The following SLC10A6 variants were observed in gnomAD, a reference collection of about 807,000 sequenced individuals.
The protein encoded by SLC10A6 is sodium-dependent organic anion transporter.
SLC10A6 carries 27 observed loss-of-function variants against 30.0 expected under a neutral mutation model. The observed-to-expected ratio is 0.90, with a 90% CI of 0.66 to 1.24. The LOEUF is 1.24. Ranked by LOEUF, SLC10A6 falls within the 50% of genes most tolerant of loss-of-function variation. The pLI is 0.00. For synonymous variants in SLC10A6, 166 were observed against 173.8 expected (o/e 0.95, Z 0.36); for missense variants, 439 against 457.0 (o/e 0.96, Z 0.36).
Position 86,825,591 on chromosome 4 carries a change from A to C in SLC10A6, c.762-14T>G. 2 of 1,574,428 alleles carry C rather than the reference A, an allele frequency of 1.3e-6. No individual in the cohort carries two copies. The highest frequency in any genetic ancestry group is 1.7e-6 in the Non-Finnish European group (2 of 1,149,118). ...ATTGTCCTGCACCTACCAAAAAGAAAATGTTTCAAGAGTAACGCACTAGCA... is the reference window on the plus strand; with the variant it reads ...ATTGTCCTGCACCTACCAAAAAGAACATGTTTCAAGAGTAACGCACTAGCA... On this transcript the variant is annotated splice_polypyrimidine_tract_variant and intron_variant, in intron 4 of 5. Transcript: ENST00000273905.
rs578215770 is a variant in SLC10A6, at chr4:86,827,658, C to A, written c.761+335G>T. Among the ~76,000 whole-genome samples, 154 of 152,266 alleles carry A rather than the reference C, an allele frequency of 1.0e-3. 1 individual carries two copies. The highest frequency in any genetic ancestry group is 3.5e-3 in the African/African-American group (145 of 41,556). ...CGCTACTCAAAATTAAACATTGTTACCATATGGTGTATTTCTTCCAGTATA... is the reference window on the plus strand; with the variant it reads ...CGCTACTCAAAATTAAACATTGTTAACATATGGTGTATTTCTTCCAGTATA... On this transcript the variant is annotated intron_variant, in intron 4 of 5. Coordinates refer to ENST00000273905, the MANE Select transcript of SLC10A6 (RefSeq NM_197965.3).
Position 86,849,279 on chromosome 4 carries a change from C to T in SLC10A6, c.-164G>A. 1 of 752,658 alleles carries T rather than the reference C, an allele frequency of 1.3e-6. No homozygotes were observed. The allele number at this position is 752,658 out of a possible 1,614,324, so 46.6% of individuals were successfully genotyped here. A position where few individuals can be genotyped will look rare whatever the true frequency, so the allele number is the denominator to read the frequency against. Reference sequence around the variant, plus strand: ...TTCATCCTAATCTGATCAATTTTTTCACAAGTGGCATTATAAAAGTAATTA... The same window carrying T: ...TTCATCCTAATCTGATCAATTTTTTTACAAGTGGCATTATAAAAGTAATTA... On this transcript the variant is annotated 5_prime_UTR_variant, in exon 1 of 6. Coordinates refer to ENST00000273905, the MANE Select transcript of SLC10A6 (RefSeq NM_197965.3).
chr4:86,823,770 C>T lies in SLC10A6; in HGVS notation c.1052G>A (p.Gly351Asp). The T allele has an allele frequency of 1.2e-6, 2 of 1,614,214 alleles. No homozygotes were observed. Among genetic ancestry groups the T allele is most frequent in the East Asian group, 4.5e-5 (2 of 44,888 alleles). The change falls in exon 6 of 6, where the codon GGT becomes GAT. Residue 351 changes from glycine (G) to aspartate (D), a missense_variant. By Grantham distance (94) the Gly-to-Asp change is moderately conservative (BLOSUM62 -1). Coordinates refer to ENST00000273905, the MANE Select transcript of SLC10A6 (RefSeq NM_197965.3). Reference sequence around the variant, plus strand: ...CCCTGGTGGCCCAGGAGTGATGGCACCTTCTTCATTCACCTCCAAGAAGGC... The same window carrying T: ...CCCTGGTGGCCCAGGAGTGATGGCATCTTCTTCATTCACCTCCAAGAAGGC... ...TNAFLEVNEE[G>D]AITPGPPGPM...
chr4:86,827,853 C>T, intron 4 of SLC10A6, 140 bp downstream of exon 4: 1 of 679,626 alleles, frequency 1.5e-6, no homozygotes, highest in Non-Finnish European at 2.2e-6. Flanking sequence ...GAATGACCCT[C>T]TTTTATGCTT....
chr4:86,848,279 C>A (rs1746426079), intron 1 of SLC10A6, among the ~76,000 whole-genome samples: 1 of 152,222 alleles, frequency 6.6e-6, no homozygotes, highest in South Asian at 2.1e-4. Context: ...TAAAGTGCTT[C>A]TTTCCTAAAG....
chr4:86,841,197 A>G (rs1560461426), intron 1 of SLC10A6, among the ~76,000 whole-genome samples: 1 of 152,222 alleles, frequency 6.6e-6, no homozygotes, highest in Non-Finnish European at 1.5e-5. Flanking sequence ...AAGACTCATG[A>G]TTATGGGAAG....
Position 86,829,272 on chromosome 4 carries a change from G to A in SLC10A6, c.586-1104C>T, listed in dbSNP as rs568836074. Among the ~76,000 whole-genome samples, 92 of 152,160 alleles carry A rather than the reference G, an allele frequency of 6.0e-4. 1 individual carries two copies. Among genetic ancestry groups the A allele is most frequent in the African/African-American group, 1.9e-3 (80 of 41,538 alleles). On this transcript the variant is annotated intron_variant, in intron 3 of 5. Coordinates refer to ENST00000273905, the MANE Select transcript of SLC10A6 (RefSeq NM_197965.3). ...TAAAAAATACAAAAATTAGCCAGGC[G>A]TGGTGACACATGCCTGTAATCCCAG...
At chr4:86,838,849 G>T (rs1276557218) in intron 1 of SLC10A6, among the ~76,000 whole-genome samples, 1 of 150,478 alleles carries the variant, frequency 6.6e-6, no homozygotes, top group Non-Finnish European at 1.5e-5. Context: ...CTTGAGCCTG[G>T]GAGATGGAGG....
rs1206455470 is a variant in SLC10A6, at chr4:86,849,056, C to A, written c.60G>T (p.Leu20=). The change falls in exon 1 of 6, where the codon CTG becomes CTT. Residue 20 remains leucine, a synonymous_variant. Coordinates refer to ENST00000273905, the MANE Select transcript of SLC10A6 (RefSeq NM_197965.3). ...TTCCATGCACCTCCAGTCCCACTGGCAGCTCCTCCTCTGAACTGTTGGCAG... is the reference window on the plus strand; with the variant it reads ...TTCCATGCACCTCCAGTCCCACTGGAAGCTCCTCCTCTGAACTGTTGGCAG... ...ACPANSSEEE[L]PVGLEVHGNL... 1.2e-6 allele frequency: 2 copies of A among 1,614,196 alleles called. No homozygotes were observed. The highest frequency in any genetic ancestry group is 4.5e-5 in the East Asian group (2 of 44,878).
chr4:86,831,177 G>C (rs1261157769), intron 3 of SLC10A6, among the ~76,000 whole-genome samples: 2 of 152,170 alleles, frequency 1.3e-5, no homozygotes, highest in African/African-American at 4.8e-5. Context: ...AAAGACATTT[G>C]CTTGTTTCTC....
chr4:86,849,204 C>T lies in SLC10A6; in HGVS notation c.-89G>A, dbSNP rs376246941. The stretch of plus-strand genomic sequence containing the variant: ...CCTGCCACATTTTGTAATAGTGCAA[C>T]GAAGTCACACATGGAGAATCATTCC... On this transcript the variant is annotated 5_prime_UTR_variant, in exon 1 of 6. Transcript: ENST00000273905. 6.3e-6 allele frequency: 9 copies of T among 1,429,772 alleles called. No homozygotes were observed. Among genetic ancestry groups the T allele is most frequent in the South Asian group, 5.4e-5 (4 of 73,674 alleles). 88.6% of individuals were successfully genotyped at this position (1,429,772 alleles called of 1,614,324 possible). A position where few individuals can be genotyped will look rare whatever the true frequency, so the allele number is the denominator to read the frequency against.
intron 1 of SLC10A6, among the ~76,000 whole-genome samples, chr4:86,840,854 A>G (rs1454342440): frequency 6.6e-6 from 1 of 152,180 alleles, no homozygotes; most frequent in Non-Finnish European, 1.5e-5. Context: ...AACTTGTCTT[A>G]GCAGTTCTTG....
At chr4:86,834,548 T>C (rs1426073540) in intron 1 of SLC10A6, among the ~76,000 whole-genome samples, 1 of 152,236 alleles carries the variant, frequency 6.6e-6, no homozygotes. Context: ...ATAAATCATA[T>C]TTGGTCATGG....
chr4:86,845,499 T>C (rs1199048748), intron 1 of SLC10A6, among the ~76,000 whole-genome samples: 1 of 152,128 alleles, frequency 6.6e-6, no homozygotes, highest in Non-Finnish European at 1.5e-5. Flanking sequence ...ACCATGCGGG[T>C]AATGTTATGA....
At chr4:86,846,534 A>C (rs1379676057) in intron 1 of SLC10A6, among the ~76,000 whole-genome samples, 1 of 152,180 alleles carries the variant, frequency 6.6e-6, no homozygotes, top group African/African-American at 2.4e-5. Context: ...AGCCTGGCCA[A>C]CATGGCGAAA....
intron 1 of SLC10A6, among the ~76,000 whole-genome samples, chr4:86,840,529 T>C (rs1319758129): frequency 6.6e-6 from 1 of 152,188 alleles, no homozygotes; most frequent in Non-Finnish European, 1.5e-5. Flanking sequence ...TACTTTTTAC[T>C]TTTATGCTTA....
intron 4 of SLC10A6, 40 bp downstream of exon 4, chr4:86,827,953 T>C: frequency 6.3e-7 from 1 of 1,588,568 alleles, no homozygotes; most frequent in Non-Finnish European, 8.6e-7. Context: ...TGTGTTAAAT[T>C]TACCTTCCTC....
chr4:86,833,497 C>T, intron 1 of SLC10A6, 73 bp from the exon 2 acceptor site: 2 of 1,081,058 alleles, frequency 1.9e-6, no homozygotes, highest in South Asian at 1.3e-5. Flanking sequence ...CCAAAAGCAA[C>T]TCCTAGGACA....
At position 86,825,508 on chromosome 4, in the gene SLC10A6, A is replaced by G; in HGVS notation, c.831T>C (p.Ser277=). Residue 277 remains serine, a synonymous_variant, in exon 5 of 6, where the codon TCT becomes TCC. Coordinates refer to ENST00000273905, the MANE Select transcript of SLC10A6 (RefSeq NM_197965.3). ...TCTGGACCAAGTGCTCAGCAGTGAA[A>G]GATAACTGGAGCATGGTGATGCACA... ...IQMCITMLQL[S]FTAEHLVQML... is the part of the protein sequence containing the mutation. 1 of 1,612,998 alleles carries G rather than the reference A, an allele frequency of 6.2e-7. No homozygotes were observed. The highest frequency in any genetic ancestry group is 8.5e-7 in the Non-Finnish European group (1 of 1,179,032).
Sources: gnomAD v4.1 joint callset for allele counts (sites outside exome capture counted in the v4.1 genomes callset) on GRCh38, gnomAD v4.1.1 for gene constraint, MANE v1.5 for transcripts, NCBI Gene and HGNC (gene_info 2026-07-23, HGNC 2026-07-21) for gene names.